Variants in ABCG2 observed in about 807,000 individuals in gnomAD.
The protein encoded by ABCG2 is broad substrate specificity ATP-binding cassette transporter ABCG2.
A neutral mutation model predicts 73.5 loss-of-function variants in ABCG2; 80 were observed. The ratio of observed to expected loss-of-function variants is 1.09; its 90% CI spans 0.91 to 1.31. The LOEUF is 1.31. Ranked by LOEUF, ABCG2 falls within the 50% of genes most tolerant of loss-of-function variation. ABCG2 has a pLI of 0.00. For synonymous variants in ABCG2, 269 were observed against 282.4 expected (o/e 0.95, Z 0.48); for missense variants, 796 against 786.2 (o/e 1.01, Z -0.15).
intron 1 of ABCG2, among the ~76,000 whole-genome samples, chr4:88,143,391 ACTT>A (rs1303935983): frequency 6.6e-6 from 1 of 152,182 alleles, no homozygotes; most frequent in Non-Finnish European, 1.5e-5. Context: ...TGAGGAAAAG[ACTT>A]CTTAAGAGTA....
chr4:88,100,932 T>A (rs936720357), intron 11 of ABCG2, among the ~76,000 whole-genome samples: 1 of 152,192 alleles, frequency 6.6e-6, no homozygotes, highest in Non-Finnish European at 1.5e-5. Flanking sequence ...TTTCTGACTG[T>A]ACTCAAATCT....
chr4:88,229,647 C>CT (rs1730372071), intron 1 of ABCG2, among the ~76,000 whole-genome samples: 1 of 152,136 alleles, frequency 6.6e-6, no homozygotes, highest in African/African-American at 2.4e-5. Context: ...CTCCTGTCAA[C>CT]TCCTGGCCAC....
At chr4:88,111,822 G>A (rs1472928861) in intron 9 of ABCG2, among the ~76,000 whole-genome samples, 1 of 152,162 alleles carries the variant, frequency 6.6e-6, no homozygotes, top group Non-Finnish European at 1.5e-5. Flanking sequence ...CAGGCATGGT[G>A]GCTCACACCT....
At chr4:88,202,590 C>T (rs745702102) in intron 1 of ABCG2, among the ~76,000 whole-genome samples, 13 of 151,656 alleles carry the variant, frequency 8.6e-5, no homozygotes, top group Admixed American at 3.3e-4. Context: ...TCACAGGTTA[C>T]CACCCGGGAA....
chr4:88,134,881 G>C (rs1371913596), intron 2 of ABCG2, among the ~76,000 whole-genome samples: 2 of 152,142 alleles, frequency 1.3e-5, no homozygotes. Context: ...TATTCTTCTA[G>C]GGCATGGGAG....
At chr4:88,169,600 T>G (rs548470660) in intron 1 of ABCG2, among the ~76,000 whole-genome samples, 4 of 152,278 alleles carry the variant, frequency 2.6e-5, no homozygotes, top group African/African-American at 4.8e-5. Flanking sequence ...TATGGCTAAA[T>G]GGAGGCCCAA....
intron 1 of ABCG2, among the ~76,000 whole-genome samples, chr4:88,170,273 C>T (rs1727707619): frequency 6.6e-6 from 1 of 152,206 alleles, no homozygotes; most frequent in African/African-American, 2.4e-5. Context: ...CCCTTTCCCA[C>T]CTTATGCTCT....
intron 1 of ABCG2, among the ~76,000 whole-genome samples, chr4:88,217,519 A>G (rs1232550434): frequency 2.0e-5 from 3 of 152,050 alleles, no homozygotes; most frequent in African/African-American, 4.8e-5. Flanking sequence ...AAAATTAGCC[A>G]GGTGTGGTGG....
chr4:88,212,539 C>T (rs1431525127), intron 1 of ABCG2, among the ~76,000 whole-genome samples: 4 of 152,180 alleles, frequency 2.6e-5, no homozygotes, highest in Non-Finnish European at 5.9e-5. Context: ...GCAGGTCATG[C>T]CATAGAACTT....
chr4:88,207,218 C>T (rs1239905193), intron 1 of ABCG2, among the ~76,000 whole-genome samples: 5 of 152,142 alleles, frequency 3.3e-5, no homozygotes, highest in African/African-American at 4.8e-5. Flanking sequence ...ACTAGAAAGA[C>T]GAGCTTTTAT....
intron 13 of ABCG2, 59 bp from the exon 14 acceptor site, chr4:88,095,668 G>C: frequency 7.4e-7 from 1 of 1,349,788 alleles, no homozygotes; most frequent in Admixed American, 1.7e-5. Context: ...CAGAATTCTA[G>C]AGAATACCCT....
At chr4:88,194,497 C>T (rs1728851235) in intron 1 of ABCG2, among the ~76,000 whole-genome samples, 1 of 123,406 alleles carries the variant, frequency 8.1e-6, no homozygotes, top group East Asian at 2.7e-4. Context: ...TTGCAGTGAG[C>T]CGAGATCTGG....
intron 1 of ABCG2, among the ~76,000 whole-genome samples, chr4:88,141,394 C>T (rs1725633091): frequency 6.6e-6 from 1 of 152,086 alleles, no homozygotes; most frequent in Non-Finnish European, 1.5e-5. Context: ...CAGGAAGAAG[C>T]TGCTAGAAGA....
intron 1 of ABCG2, among the ~76,000 whole-genome samples, chr4:88,200,874 A>G (rs994676074): frequency 2.6e-5 from 4 of 152,230 alleles, no homozygotes; most frequent in Non-Finnish European, 5.9e-5. Flanking sequence ...GCAACAATAT[A>G]CTCAATTGTA....
chr4:88,159,117 C>T (rs1358249399), upstream of ABCG2: 4 of 454,780 alleles, frequency 8.8e-6, no homozygotes, highest in Non-Finnish European at 1.8e-5. Flanking sequence ...CAGGGACAAG[C>T]CAAACACTCC....
chr4:88,221,653 T>G (rs1205370273), intron 1 of ABCG2, among the ~76,000 whole-genome samples: 1 of 152,158 alleles, frequency 6.6e-6, no homozygotes, highest in Non-Finnish European at 1.5e-5. Context: ...TCTTGGGAAC[T>G]GGAGTAAAGG....
rs953918059 is a variant in ABCG2 at position 88,132,637 on chromosome 4, T to C, written c.204-2A>G. 13 of 1,614,058 alleles carry C rather than the reference T, an allele frequency of 8.1e-6. No homozygotes were observed. Among genetic ancestry groups the C allele is most frequent in the Non-Finnish European group, 1.0e-5 (12 of 1,180,006 alleles). On this transcript the variant is annotated splice_acceptor_variant, in intron 2 of 15. Transcript: ENST00000237612. LOFTEE classifies it high-confidence loss of function. ...TTGAGACCAGGTTTCATGATCCCAC[T>C]GTAAACACAAAAACAGACTGATTTA...
chr4:88,217,388 C>T (rs935769908), intron 1 of ABCG2, among the ~76,000 whole-genome samples: 1 of 152,070 alleles, frequency 6.6e-6, no homozygotes, highest in African/African-American at 2.4e-5. Flanking sequence ...AGGCCAGGCG[C>T]GGTGGCTCAT....
chr4:88,123,002 T>C (rs1261280359), intron 5 of ABCG2, among the ~76,000 whole-genome samples: 5 of 152,156 alleles, frequency 3.3e-5, no homozygotes, highest in African/African-American at 9.7e-5. Context: ...TCTTTGCTGT[T>C]CTATAGCCTC....
Sources: allele counts gnomAD v4.1 joint callset (sites outside exome capture counted in the v4.1 genomes callset), GRCh38; gene constraint gnomAD v4.1.1; transcripts MANE v1.5; gene names NCBI Gene and HGNC (gene_info 2026-07-23, HGNC 2026-07-21).